The following DIP2B variants were observed in gnomAD, a reference collection of about 807,000 sequenced individuals.
The protein encoded by DIP2B is disco-interacting protein 2 homolog B.
Under a neutral mutation model 198.0 loss-of-function variants are expected in DIP2B, and 76 were observed. That is an observed-to-expected ratio of 0.38 (90% confidence interval 0.32 to 0.46). The LOEUF (loss-of-function observed/expected upper bound fraction) is 0.46. Among genes scored for constraint, DIP2B ranks in the 20% least tolerant of loss-of-function variants. The pLI is 0.99. For synonymous variants in DIP2B, 701 were observed against 739.1 expected, an observed-to-expected ratio of 0.95 and a Z score of 0.84; for missense variants, 1,559 against 1,978.4, an observed-to-expected ratio of 0.79 and a Z score of 4.02.
At chr12:50,524,968 C>G (rs983548560) in intron 1 of DIP2B, among the ~76,000 whole-genome samples, 4 of 152,154 alleles carry the variant, frequency 2.6e-5, no homozygotes, top group African/African-American at 9.7e-5. Flanking sequence ...TCGAGCAATC[C>G]TCTTGCCTTG....
chr12:50,581,722 A>C (rs1281734494), intron 1 of DIP2B, among the ~76,000 whole-genome samples: 2 of 134,370 alleles, frequency 1.5e-5, no homozygotes, highest in African/African-American at 5.5e-5. Context: ...CACAAGGGAT[A>C]TCCACTCAAC....
In DIP2B at chr12:50,680,732, A is replaced by G. The variant is rs781389767; in HGVS notation, c.1175A>G (p.Lys392Arg). ...AYTLLNKLGTKNEPVLKPGDR... is the reference protein window; with the variant it reads ...AYTLLNKLGTRNEPVLKPGDR... ...ACACTTCTTAATAAACTGGGGACCA[A>G]AAATGAACCTGTGTTAAAACCTGGA... is the stretch of plus-strand genomic sequence containing the variant. The change falls in exon 9 of 38, where the codon AAA becomes AGA. Residue 392 changes from lysine (K) to arginine (R), a missense_variant. Physicochemically the swap from Lys to Arg is conservative, Grantham distance 26. Transcript: ENST00000301180. The G allele has an allele frequency of 6.2e-7, 1 of 1,614,080 alleles. No homozygotes were observed. The highest frequency in any genetic ancestry group is 1.1e-5 in the South Asian group (1 of 91,074).
intron 10 of DIP2B, 26 bp from the exon 11 acceptor site, chr12:50,685,807 C>A (rs373202874): frequency 2.5e-6 from 4 of 1,609,464 alleles, no homozygotes; most frequent in Non-Finnish European, 3.4e-6. Flanking sequence ...GCTCCCCTAC[C>A]TATGTTCATT....
chr12:50,580,965 CTCTT>C (rs1404595912), intron 1 of DIP2B, among the ~76,000 whole-genome samples: 2 of 149,336 alleles, frequency 1.3e-5, no homozygotes, highest in Middle Eastern at 3.4e-3. Flanking sequence ...AATTTGGTAG[CTCTT>C]TCTTAATGTT....
intron 3 of DIP2B, among the ~76,000 whole-genome samples, chr12:50,648,394 C>T (rs575281004): frequency 4.4e-4 from 67 of 152,152 alleles, no homozygotes; most frequent in Non-Finnish European, 5.1e-4. Flanking sequence ...GACGGAGTCT[C>T]GCTCTGTTGC....
intron 2 of DIP2B, among the ~76,000 whole-genome samples, chr12:50,628,043 G>A (rs1442743740): frequency 2.0e-5 from 3 of 152,176 alleles, no homozygotes; most frequent in Non-Finnish European, 4.4e-5. Context: ...CCTGGTTGCA[G>A]TCAGTAAGGC....
chr12:50,670,729 T>G (rs1260031720), intron 4 of DIP2B, among the ~76,000 whole-genome samples: 1 of 152,150 alleles, frequency 6.6e-6, no homozygotes, highest in African/African-American at 2.4e-5. Context: ...GCACATACGT[T>G]TTTAGCAAGA....
chr12:50,649,913 T>G (rs983466172), intron 3 of DIP2B, among the ~76,000 whole-genome samples: 1 of 151,850 alleles, frequency 6.6e-6, no homozygotes, highest in African/African-American at 2.4e-5. Flanking sequence ...GAAACCATAT[T>G]AAGTGCCAAA....
At chr12:50,733,954 A>G (rs921432890) in intron 32 of DIP2B, among the ~76,000 whole-genome samples, 181 bp from the exon 33 acceptor site, 3 of 152,170 alleles carry the variant, frequency 2.0e-5, no homozygotes, top group Non-Finnish European at 4.4e-5. Context: ...CAGCATGGAA[A>G]TGTTTCAGTG....
At chr12:50,608,860 A>G (rs1253854025) in intron 1 of DIP2B, among the ~76,000 whole-genome samples, 2 of 152,100 alleles carry the variant, frequency 1.3e-5, no homozygotes, top group Admixed American at 1.3e-4. Flanking sequence ...AATATTTATT[A>G]GCCGGGCATG....
In DIP2B at chr12:50,743,647, T is replaced by G. The variant is rs188839454; in HGVS notation, c.4479-940T>G. 61 of 152,354 alleles carry G rather than the reference T, an allele frequency of 4.0e-4. 1 individual carries two copies. The East Asian group carries it at 0.011, about 26-fold the overall frequency. The allele number at this position is 152,354 out of a possible 1,614,324, so 9.4% of individuals were successfully genotyped here. On this transcript the variant is annotated intron_variant, in intron 37 of 37. Transcript: ENST00000301180. ...ATCAATCAAACTATTCGTTCTACTC[T>G]TTCCCTCTTTCTCACTACTGCACTT...
At chr12:50,623,245 A>C (rs1937850186) in intron 1 of DIP2B, among the ~76,000 whole-genome samples, 1 of 151,786 alleles carries the variant, frequency 6.6e-6, no homozygotes, top group African/African-American at 2.4e-5. Flanking sequence ...CTAGCCAGGC[A>C]TGGTGGCGTG....
intron 12 of DIP2B, among the ~76,000 whole-genome samples, chr12:50,688,016 G>GAC (rs1939160867): frequency 6.6e-6 from 1 of 151,948 alleles, no homozygotes; most frequent in African/African-American, 2.4e-5. Flanking sequence ...TTCGAGACCA[G>GAC]ACTGGCCAAC....
intron 23 of DIP2B, among the ~76,000 whole-genome samples, chr12:50,717,079 G>A (rs529961977): frequency 1.2e-4 from 17 of 145,334 alleles, no homozygotes; most frequent in African/African-American, 3.8e-4. Flanking sequence ...TGAGTACCTG[G>A]GATTACAGGT....
chr12:50,653,331 T>TC (rs1444617485), intron 3 of DIP2B, among the ~76,000 whole-genome samples: 1 of 145,692 alleles, frequency 6.9e-6, no homozygotes, highest in African/African-American at 2.5e-5. Context: ...TTTCTTTCTT[T>TC]TTTTTTTTTC....
chr12:50,527,274 A>G (rs1262501004), intron 1 of DIP2B, among the ~76,000 whole-genome samples: 3 of 152,190 alleles, frequency 2.0e-5, no homozygotes, highest in East Asian at 1.9e-4. Flanking sequence ...AAGGACGTTC[A>G]TGGGCTGTGC....
chr12:50,565,068 C>T (rs1040699964), intron 1 of DIP2B, among the ~76,000 whole-genome samples: 1 of 151,110 alleles, frequency 6.6e-6, no homozygotes, highest in Non-Finnish European at 1.5e-5. Flanking sequence ...CAGTGGTGCA[C>T]TCACAGCTCA....
At chr12:50,594,876 G>A (rs996091307) in intron 1 of DIP2B, among the ~76,000 whole-genome samples, 1 of 152,110 alleles carries the variant, frequency 6.6e-6, no homozygotes, top group South Asian at 2.1e-4. Flanking sequence ...TTTTTAGGTA[G>A]CGTTATCTGG....
At chr12:50,640,427 G>A (rs1173884275) in intron 2 of DIP2B, among the ~76,000 whole-genome samples, 1 of 152,170 alleles carries the variant, frequency 6.6e-6, no homozygotes, top group East Asian at 1.9e-4. Flanking sequence ...ATCATATGCA[G>A]TCAACTCCCC....
Sources: gnomAD v4.1 joint callset for allele counts (sites outside exome capture counted in the v4.1 genomes callset) on GRCh38, gnomAD v4.1.1 for gene constraint, MANE v1.5 for transcripts, NCBI Gene and HGNC (gene_info 2026-07-23, HGNC 2026-07-21) for gene names.